The following PCDHGA9 variants were observed in gnomAD, a reference collection of about 807,000 sequenced individuals.
PCDHGA9 encodes protocadherin gamma-A9.
A neutral mutation model predicts 62.5 loss-of-function variants in PCDHGA9; 37 were observed. The ratio of observed to expected loss-of-function variants is 0.59; its 90% CI spans 0.46 to 0.78. PCDHGA9 has a LOEUF of 0.78. Among genes scored for constraint, PCDHGA9 ranks in the 30% least tolerant of loss-of-function variants. PCDHGA9 has a pLI of 0.00. For missense variants in PCDHGA9, 1,138 were observed against 1,166.2 expected (o/e 0.98, Z 0.35); for synonymous variants, 459 against 484.6 (o/e 0.95, Z 0.69).
At chr5:141,437,381 C>T (rs2097879875) in intron 1 of PCDHGA9, among the ~76,000 whole-genome samples, 1 of 152,222 alleles carries the variant, frequency 6.6e-6, no homozygotes, top group Non-Finnish European at 1.5e-5. Flanking sequence ...AGTCAGAAGA[C>T]ATTCATCCAC....
rs1413324509 is a variant in PCDHGA9 at position 141,431,464 on chromosome 5, G to T, written c.2424+26088G>T. The T allele has an allele frequency of 6.2e-7, 1 of 1,613,782 alleles. No homozygotes were observed. The highest frequency in any genetic ancestry group is 2.2e-5 in the East Asian group (1 of 44,880). ...GCATCCGCGTGATGGTTCTGGATGC[G>T]AACGACAACGCACCAGCGTTTGCTC... On this transcript the variant is annotated intron_variant, in intron 1 of 3. Transcript: ENST00000573521. This position sits in a 1 kb window ranked among gnomAD's most constrained non-coding sequence, Gnocchi z 4.8.
intron 2 of PCDHGA9, among the ~76,000 whole-genome samples, chr5:141,497,522 G>A (rs998999424): frequency 3.3e-5 from 5 of 150,848 alleles, no homozygotes; most frequent in African/African-American, 4.9e-5. Flanking sequence ...TAGTTAACTT[G>A]TGGAGGATGC....
Position 141,487,203 on chromosome 5 carries a change from G to A in PCDHGA9, c.2425-7604G>A, listed in dbSNP as rs765707343. 6.8e-6 allele frequency: 11 copies of A among 1,613,804 alleles called. No homozygotes were observed. The highest frequency in any genetic ancestry group is 5.3e-5 in the African/African-American group (4 of 74,890). The stretch of plus-strand genomic sequence containing the variant: ...ACTCATCCAGTTGTCCCAGATCTTC[G>A]AGAATCTTCAGCTCCAAGGGAAGGA... On this transcript the variant is annotated intron_variant, in intron 1 of 3. Transcript: ENST00000573521. This position sits in a 1 kb window ranked among gnomAD's most constrained non-coding sequence, Gnocchi z 5.0.
At chr5:141,503,387 G>A (rs975079596) in intron 2 of PCDHGA9, among the ~76,000 whole-genome samples, 24 of 152,068 alleles carry the variant, frequency 1.6e-4, no homozygotes, top group Middle Eastern at 3.4e-3. Flanking sequence ...ATGAGGTCAG[G>A]AGTTCGAAAC....
Position 141,491,722 on chromosome 5 carries a change from CG to C in PCDHGA9, c.2425-3082del. Reference sequence around the variant, plus strand: ...CCAGGTGAGGGGCTCGGCGCCGCCCCGGGCGACCCCTGGGGGCGGCACTGGA... The same window carrying C: ...CCAGGTGAGGGGCTCGGCGCCGCCCCGGCGACCCCTGGGGGCGGCACTGGA... On this transcript the variant is annotated intron_variant, in intron 1 of 3. Transcript: ENST00000573521. The surrounding 1 kb of genome is among the most constrained non-coding windows in gnomAD (Gnocchi z 6.9). The C allele has an allele frequency of 1.2e-6, 2 of 1,607,004 alleles. No homozygotes were observed. Among genetic ancestry groups the C allele is most frequent in the Non-Finnish European group, 1.7e-6 (2 of 1,177,148 alleles).
intron 2 of PCDHGA9, 50 bp from the exon 3 acceptor site, chr5:141,505,343 G>A: frequency 1.9e-6 from 3 of 1,612,934 alleles, no homozygotes; most frequent in Non-Finnish European, 2.5e-6. Flanking sequence ...GGAGGGGCAT[G>A]AGCTGTGCCG....
intron 1 of PCDHGA9, chr5:141,475,850 G>C (rs2099376325): frequency 8.6e-6 from 4 of 464,524 alleles, no homozygotes; most frequent in Non-Finnish European, 1.5e-5. Flanking sequence ...AGAGAGCCCG[G>C]CGCTAGCTCA....
At position 141,489,662 on chromosome 5, in the gene PCDHGA9, G is replaced by A. The variant is rs2233601; in HGVS notation, c.2425-5145G>A. On this transcript the variant is annotated intron_variant, in intron 1 of 3. Coordinates refer to ENST00000573521, the MANE Select transcript of PCDHGA9 (RefSeq NM_018921.3). This position sits in a 1 kb window ranked among gnomAD's most constrained non-coding sequence, Gnocchi z 4.5. ...TTTGCCACCCCTGAGCGAGAGATGC[G>A]CATCTCAGAATCAGCAGCATCTGGG... The A allele has an allele frequency of 4.0e-4, 649 of 1,614,144 alleles. 2 individuals are homozygous for A. The highest frequency in any genetic ancestry group is 1.5e-3 in the Middle Eastern group (9 of 6,062).
intron 1 of PCDHGA9, chr5:141,427,474 A>G (rs373512099): frequency 3.7e-5 from 19 of 520,294 alleles, no homozygotes; most frequent in African/African-American, 1.5e-4. Context: ...TCTTCCGCCA[A>G]TAATGACTAT....
intron 1 of PCDHGA9, chr5:141,410,783 T>C (rs2095423369): frequency 1.1e-6 from 1 of 919,042 alleles, no homozygotes; most frequent in East Asian, 2.7e-5. Flanking sequence ...ACTATGTATT[T>C]GGTTCATAAG....
intron 1 of PCDHGA9, among the ~76,000 whole-genome samples, chr5:141,482,530 C>CAAAAAAAAA (rs3074545): frequency 5.2e-4 from 40 of 76,506 alleles, no homozygotes; most frequent in African/African-American, 1.4e-3. Context: ...GACAGACATG[C>CAAAAAAAAA]AAAAAAAAAA....
In PCDHGA9 at chr5:141,502,866, C is replaced by CTTTTTTTTTTTTTTTTT. The variant is rs549047197; in HGVS notation, c.2484-2513_2484-2512insTTTTTTTTTTTTTTTTT. Among the ~76,000 whole-genome samples the CTTTTTTTTTTTTTTTTT allele has an allele frequency of 3.1e-5, 4 of 128,046 alleles. 1 individual carries two copies. 84.0% of individuals were successfully genotyped at this position (128,046 alleles called of 152,430 possible). A position where few individuals can be genotyped will look rare whatever the true frequency, so the allele number is the denominator to read the frequency against. ...GAGCTGCCTAACCCTGACTCTCTGTCTTTTTTTTTTTTTTGACAGGGAGTC... is the reference window on the plus strand; with the variant it reads ...GAGCTGCCTAACCCTGACTCTCTGTCTTTTTTTTTTTTTTTTTTTTTTTTTTTTTTTGACAGGGAGTC... On this transcript the variant is annotated intron_variant, in intron 2 of 3. Transcript: ENST00000573521.
chr5:141,421,243 C>T (rs201273667), intron 1 of PCDHGA9: 12 of 1,601,540 alleles, frequency 7.5e-6, no homozygotes, highest in Non-Finnish European at 1.0e-5. Flanking sequence ...GAATCGGCTA[C>T]AGCGCGGGGA....
At position 141,476,580 on chromosome 5, in the gene PCDHGA9, C is replaced by T. The variant is rs1463314107; in HGVS notation, c.2425-18227C>T. 6 of 1,614,126 alleles carry T rather than the reference C, an allele frequency of 3.7e-6. No homozygotes were observed. Among genetic ancestry groups the T allele is most frequent in the Non-Finnish European group, 5.1e-6 (6 of 1,180,052 alleles). The stretch of plus-strand genomic sequence containing the variant: ...GCCGTGGCTCCGGGGACGCGCTTTC[C>T]GCTCGAGAGCGCGCACGATCCCGAT... On this transcript the variant is annotated intron_variant, in intron 1 of 3. Transcript: ENST00000573521. This position sits in a 1 kb window ranked among gnomAD's most constrained non-coding sequence, Gnocchi z 7.6.
chr5:141,415,744 T>TTTTTG, intron 1 of PCDHGA9: 1 of 404,416 alleles, frequency 2.5e-6, no homozygotes, highest in Non-Finnish European at 3.0e-6. Context: ...ATTAAGGTTT[T>TTTTTG]TTTTTTTTTT....
Position 141,489,690 on chromosome 5 carries a change from A to T in PCDHGA9, c.2425-5117A>T. The T allele has an allele frequency of 6.2e-7, 1 of 1,614,198 alleles. No individual in the cohort carries two copies. The highest frequency in any genetic ancestry group is 8.5e-7 in the Non-Finnish European group (1 of 1,180,024). ...TCTCAGAATCAGCAGCATCTGGGGC[A>T]CGATTCCCACTGGACAGTGCCCAGG... On this transcript the variant is annotated intron_variant, in intron 1 of 3. Coordinates refer to ENST00000573521, the MANE Select transcript of PCDHGA9 (RefSeq NM_018921.3). The surrounding 1 kb of genome is among the most constrained non-coding windows in gnomAD (Gnocchi z 4.5).
intron 1 of PCDHGA9, chr5:141,413,581 A>T: frequency 1.9e-6 from 3 of 1,613,920 alleles, no homozygotes; most frequent in Non-Finnish European, 2.5e-6. Context: ...CAATGCTCCA[A>T]AATTCCAAGC....
At chr5:141,473,283 A>G (rs2099318531) in intron 1 of PCDHGA9, among the ~76,000 whole-genome samples, 1 of 152,324 alleles carries the variant, frequency 6.6e-6, no homozygotes, top group Non-Finnish European at 1.5e-5. Flanking sequence ...TTATTTTACT[A>G]TGTCAGTAGC....
chr5:141,456,043 G>A (rs62379189), intron 1 of PCDHGA9, among the ~76,000 whole-genome samples: 6,917 of 151,746 alleles, frequency 0.046, 202 homozygotes, highest in Middle Eastern at 0.086. Flanking sequence ...GACTACAGGC[G>A]CCCACCACCA....
Sources: allele counts gnomAD v4.1 joint callset (sites outside exome capture counted in the v4.1 genomes callset), GRCh38; gene constraint gnomAD v4.1.1; non-coding constraint Gnocchi (gnomAD v3.1); transcripts MANE v1.5; gene names NCBI Gene and HGNC (gene_info 2026-07-23, HGNC 2026-07-21).